GUCY1A2: variants seen among roughly 807,000 people sequenced by gnomAD.
The protein encoded by GUCY1A2 is guanylate cyclase 1 soluble subunit alpha 2, also known as guanylate cyclase soluble subunit alpha-2.
Under a neutral mutation model 63.5 loss-of-function variants are expected in GUCY1A2, and 27 were observed. The observed-to-expected ratio is 0.43, with a 90% CI of 0.31 to 0.59. GUCY1A2 has a LOEUF of 0.59. GUCY1A2 is among the 20% of genes least tolerant of loss of function. The pLI, the probability that GUCY1A2 is intolerant of heterozygous loss-of-function variation, is 0.11. For synonymous variants in GUCY1A2, 364 were observed against 343.5 expected (o/e 1.06, Z -0.66); for missense variants, 768 against 913.3 (o/e 0.84, Z 2.05).
intron 4 of GUCY1A2, among the ~76,000 whole-genome samples, chr11:106,914,024 AAGAG>A (rs949214102): frequency 6.0e-5 from 9 of 150,438 alleles, no homozygotes; most frequent in Admixed American, 1.3e-4. Context: ...AAGAAAAAGA[AAGAG>A]AGAGAGAGAG....
At chr11:106,796,096 T>G (rs1263915228) in intron 5 of GUCY1A2, among the ~76,000 whole-genome samples, 1 of 152,158 alleles carries the variant, frequency 6.6e-6, no homozygotes, top group African/African-American at 2.4e-5. Flanking sequence ...CTTTGTTGGT[T>G]TAAAGTCTGT....
At chr11:106,847,611 G>A (rs1308985865) in intron 4 of GUCY1A2, among the ~76,000 whole-genome samples, 1 of 151,414 alleles carries the variant, frequency 6.6e-6, no homozygotes, top group Non-Finnish European at 1.5e-5. Flanking sequence ...CTGAAAAGGT[G>A]ATATTTCATT....
chr11:106,863,884 C>T (rs1394205218), intron 4 of GUCY1A2, among the ~76,000 whole-genome samples: 2 of 152,086 alleles, frequency 1.3e-5, no homozygotes, highest in Non-Finnish European at 2.9e-5. Context: ...GTATTTTATT[C>T]TCTTTGTAGC....
chr11:106,885,642 A>C (rs886633218), intron 4 of GUCY1A2, among the ~76,000 whole-genome samples: 4 of 152,244 alleles, frequency 2.6e-5, no homozygotes, highest in African/African-American at 9.6e-5. Flanking sequence ...CGAACCACAT[A>C]ATTCCATTTC....
chr11:106,711,069 A>G (rs925442967), intron 6 of GUCY1A2, among the ~76,000 whole-genome samples: 2 of 152,174 alleles, frequency 1.3e-5, no homozygotes, highest in Non-Finnish European at 2.9e-5. Context: ...AAAATTCAGT[A>G]TGGTAGAAAG....
chr11:106,779,748 C>T (rs1864425793), intron 5 of GUCY1A2, among the ~76,000 whole-genome samples: 1 of 152,168 alleles, frequency 6.6e-6, no homozygotes, highest in Non-Finnish European at 1.5e-5. Context: ...TGCATTTTCT[C>T]CTTAGGAGTA....
chr11:106,896,413 G>C (rs1331562483), intron 4 of GUCY1A2, among the ~76,000 whole-genome samples: 2 of 152,154 alleles, frequency 1.3e-5, no homozygotes, highest in Non-Finnish European at 2.9e-5. Context: ...AGGCAAGAAT[G>C]TACCATCTCA....
chr11:107,007,381 C>T (rs960112293), intron 1 of GUCY1A2, among the ~76,000 whole-genome samples: 1 of 152,140 alleles, frequency 6.6e-6, no homozygotes, highest in Non-Finnish European at 1.5e-5. Flanking sequence ...GGTGTTCAAA[C>T]AGAAAGGCTA....
At chr11:107,001,428 T>C (rs1221923565) in intron 1 of GUCY1A2, among the ~76,000 whole-genome samples, 1 of 152,190 alleles carries the variant, frequency 6.6e-6, no homozygotes, top group Non-Finnish European at 1.5e-5. Context: ...TTTTTTTTAA[T>C]TGGGCTAATG....
chr11:106,933,722 A>C (rs778689115), intron 4 of GUCY1A2, among the ~76,000 whole-genome samples: 6 of 152,236 alleles, frequency 3.9e-5, no homozygotes, highest in Admixed American at 1.3e-4. Context: ...GATTGGATAA[A>C]GACAATGTAG....
At chr11:106,996,406 G>T (rs1382603783) in intron 1 of GUCY1A2, among the ~76,000 whole-genome samples, 1 of 152,154 alleles carries the variant, frequency 6.6e-6, no homozygotes, top group Non-Finnish European at 1.5e-5. Flanking sequence ...TTGAACATCA[G>T]TTCTCACTGG....
chr11:106,821,827 T>C (rs1000498890), intron 4 of GUCY1A2, among the ~76,000 whole-genome samples: 6 of 152,196 alleles, frequency 3.9e-5, no homozygotes, highest in Non-Finnish European at 7.3e-5. Flanking sequence ...TGTGTTTGTG[T>C]ATTATTTTAT....
chr11:106,973,829 T>G (rs1030542447), intron 3 of GUCY1A2, among the ~76,000 whole-genome samples: 2 of 152,262 alleles, frequency 1.3e-5, no homozygotes, highest in African/African-American at 4.8e-5. Flanking sequence ...TGGGGAATAC[T>G]CAATAATAAT....
At chr11:106,936,364 A>G (rs996880532) in intron 4 of GUCY1A2, among the ~76,000 whole-genome samples, 1 of 152,246 alleles carries the variant, frequency 6.6e-6, no homozygotes, top group African/African-American at 2.4e-5. Flanking sequence ...AGCACAAATT[A>G]ACATGGATTA....
intron 6 of GUCY1A2, among the ~76,000 whole-genome samples, chr11:106,756,778 C>T (rs925506072): frequency 2.0e-5 from 3 of 152,164 alleles, no homozygotes; most frequent in Non-Finnish European, 4.4e-5. Context: ...CTGTCCCTAA[C>T]ATTTTTTCCT....
chr11:106,735,711 T>A (rs559303046), intron 6 of GUCY1A2, among the ~76,000 whole-genome samples: 41 of 152,174 alleles, frequency 2.7e-4, no homozygotes, highest in Non-Finnish European at 4.0e-4. Flanking sequence ...ACCTCCATAC[T>A]CTTCTCCAAC....
chr11:106,784,330 T>A (rs1864519246), intron 5 of GUCY1A2, among the ~76,000 whole-genome samples: 2 of 152,050 alleles, frequency 1.3e-5, no homozygotes, highest in Non-Finnish European at 2.9e-5. Context: ...GGGCACTCCT[T>A]CCTGAAAGCA....
intron 5 of GUCY1A2, among the ~76,000 whole-genome samples, chr11:106,796,159 G>T (rs1404253723): frequency 6.6e-6 from 1 of 152,026 alleles, no homozygotes; most frequent in Non-Finnish European, 1.5e-5. Context: ...CCATTTGCTT[G>T]GTAGCTCTTC....
At chr11:106,809,866 C>T (rs1858740697) in intron 5 of GUCY1A2, 127 bp downstream of exon 5, 1 of 614,334 alleles carries the variant, frequency 1.6e-6, no homozygotes, top group Non-Finnish European at 2.8e-6. Flanking sequence ...CCTGTATTAT[C>T]TATAAAATTT....
Sources: allele counts gnomAD v4.1 joint callset (sites outside exome capture counted in the v4.1 genomes callset), GRCh38; gene constraint gnomAD v4.1.1; transcripts MANE v1.5; gene names NCBI Gene and HGNC (gene_info 2026-07-23, HGNC 2026-07-21).